TMEM235: variants seen among roughly 807,000 people sequenced by gnomAD.
TMEM235 encodes claudin-27.
In TMEM235, 23 loss-of-function variants were observed where a neutral mutation model predicts 22.9. The ratio of observed to expected loss-of-function variants is 1.00; its 90% CI spans 0.72 to 1.42. The LOEUF (loss-of-function observed/expected upper bound fraction) is 1.42, where lower values mean the gene tolerates loss of function less well. TMEM235 is among the 40% of genes most tolerant of loss of function. TMEM235 has a pLI of 0.00. For synonymous variants in TMEM235, 137 were observed against 140.5 expected (o/e 0.98, Z 0.17); for missense variants, 308 against 299.5 (o/e 1.03, Z -0.21).
At chr17:78,232,169 C>T (rs1243179438) in exon 2 of TMEM235, 1 of 1,488,000 alleles carries the variant, frequency 6.7e-7, no homozygotes, top group Non-Finnish European at 8.9e-7. Context: ...CCCGGGCGCG[C>T]AGAGCTGCTC....
At chr17:78,236,812 G>T (rs760378395) in intron 4 of TMEM235, among the ~76,000 whole-genome samples, 2 of 152,222 alleles carry the variant, frequency 1.3e-5, no homozygotes, top group Non-Finnish European at 2.9e-5. Flanking sequence ...GCCCGACTGG[G>T]TGCAGAGATT....
chr17:78,231,759 A>T lies in TMEM235; in HGVS notation c.-265A>T. 8.1e-7 allele frequency: 1 copy of T among 1,227,142 alleles called. No homozygotes were observed. The highest frequency in any genetic ancestry group is 1.1e-6 in the Non-Finnish European group (1 of 951,402). 76.0% of individuals were successfully genotyped at this position (1,227,142 alleles called of 1,614,324 possible). On this transcript the variant is annotated 5_prime_UTR_variant, in exon 2 of 6. In the 5' UTR this introduces an upstream ATG that the reference lacks. Coordinates refer to ENST00000421688, the Ensembl canonical transcript of TMEM235. Reference sequence around the variant, plus strand: ...GTGGGGACGCTGGGATTGGAGCCCAAGCCCCAGGTTCGCCGCGCGGCTCTC... The same window carrying T: ...GTGGGGACGCTGGGATTGGAGCCCATGCCCCAGGTTCGCCGCGCGGCTCTC...
chr17:78,231,343 T>A lies in TMEM235; in HGVS notation c.-593+2T>A. The A allele has an allele frequency of 8.5e-7, 1 of 1,179,294 alleles. No individual in the cohort carries two copies. The allele number at this position is 1,179,294 out of a possible 1,614,324, so 73.1% of individuals were successfully genotyped here. ...AGGTTCTTTCTGCCTGTTTTCTCCG[T>A]GAGTGACTGGACAGGCAGAGGCCGG... is the stretch of plus-strand genomic sequence containing the variant. On this transcript the variant is annotated splice_donor_variant, in intron 1 of 5. Transcript: ENST00000421688. LOFTEE classifies it low-confidence loss of function (5UTR_SPLICE).
rs899894879 is a variant in TMEM235 at position 78,234,591 on chromosome 17, A to G, written c.272-2A>G. 6.5e-7 allele frequency: 1 copy of G among 1,535,898 alleles called. No individual in the cohort carries two copies. Among genetic ancestry groups the G allele is most frequent in the Non-Finnish European group, 8.7e-7 (1 of 1,146,830 alleles). On this transcript the variant is annotated splice_acceptor_variant, in intron 3 of 5. Transcript: ENST00000421688. LOFTEE classifies it high-confidence loss of function. ...TTCTCACCTGAGCCCCCTTTCCTGC[A>G]GTGCTGCACCGTGCAGTCATTGTGG...
intron 2 of TMEM235, among the ~76,000 whole-genome samples, chr17:78,233,612 G>A (rs1488160571): frequency 2.0e-5 from 3 of 151,816 alleles, no homozygotes; most frequent in African/African-American, 4.8e-5. Context: ...GGAGAATGGC[G>A]CGAAACCGGG....
chr17:78,239,066 C>G (rs373064807), exon 5 of TMEM235: 1 of 1,544,218 alleles, frequency 6.5e-7, no homozygotes. Flanking sequence ...ATCAGCTACT[C>G]GCACCTGGCC....
rs140564394 is a variant in TMEM235 at position 78,236,233 on chromosome 17, C to A, written c.409+1503C>A. 4.8e-3 allele frequency among the ~76,000 whole-genome samples: 730 copies of A among 152,166 alleles called. 10 individuals carry two copies. The highest frequency in any genetic ancestry group is 0.016 in the African/African-American group (676 of 41,526). On this transcript the variant is annotated intron_variant, in intron 4 of 5. Coordinates refer to ENST00000421688, the Ensembl canonical transcript of TMEM235. ...ACCTGCTCTACTGGGTCAGATCATG[C>A]GGGGGGGCCTGGGGCCAGCCCCTCA...
At chr17:78,240,256 C>A in exon 6 of TMEM235, 1 of 332,414 alleles carries the variant, frequency 3.0e-6, no homozygotes, top group Non-Finnish European at 5.4e-6. Flanking sequence ...CACTCCTTGC[C>A]TGCCTCAAAG....
At chr17:78,234,351 TGG>T (rs1229570151) in intron 3 of TMEM235, 1 of 715,258 alleles carries the variant, frequency 1.4e-6, no homozygotes, top group Non-Finnish European at 2.5e-6. Flanking sequence ...CCTGGCGGGT[TGG>T]GGGACATGTG....
chr17:78,234,673 T>A (rs1025990023), exon 4 of TMEM235: 2 of 1,536,176 alleles, frequency 1.3e-6, no homozygotes, highest in South Asian at 1.2e-5. Context: ...CCTGCTCAGC[T>A]CCCTGGCCCA....
At chr17:78,231,556 A>G (rs2145910060) in exon 2 of TMEM235, 1 of 1,303,790 alleles carries the variant, frequency 7.7e-7, no homozygotes, top group Non-Finnish European at 1.0e-6. Context: ...TTCCAGGAGC[A>G]CGGGTGGGTG....
chr17:78,240,196 C>A, exon 6 of TMEM235: 1 of 641,854 alleles, frequency 1.6e-6, no homozygotes, highest in Non-Finnish European at 2.2e-6. Flanking sequence ...AGATGGAAGT[C>A]CCAGAAGGGT....
exon 6 of TMEM235, chr17:78,240,050 AAGAGCAGGCACCC>A: frequency 2.0e-6 from 3 of 1,473,398 alleles, no homozygotes; most frequent in Non-Finnish European, 1.8e-6. Context: ...CACTTCCGGG[AAGAGCAGGCACCC>A]AGATCTCTGT....
Position 78,238,204 on chromosome 17 carries a change from G to A in TMEM235, c.410-820G>A, listed in dbSNP as rs1012305662. Among the ~76,000 whole-genome samples the A allele has an allele frequency of 1.3e-5, 2 of 152,220 alleles. No homozygotes were observed. Among genetic ancestry groups the A allele is most frequent in the Admixed American group, 6.5e-5 (1 of 15,284 alleles). On this transcript the variant is annotated intron_variant, in intron 4 of 5. Coordinates refer to ENST00000421688, the Ensembl canonical transcript of TMEM235. This position sits in a 1 kb window ranked among gnomAD's most constrained non-coding sequence, Gnocchi z 4.3. ...GGAAAATGCCCTGGAGGCATGGGCC[G>A]AGTCCCCTACCTAGCTCGTTGCTGG...
chr17:78,234,530 G>A lies in TMEM235; in HGVS notation c.272-63G>A, dbSNP rs539164862. 3.0e-5 allele frequency: 46 copies of A among 1,529,152 alleles called. 1 individual carries two copies. In the Admixed American group the frequency reaches 4.1e-4, roughly 14 times the overall value. 94.7% of individuals were successfully genotyped at this position (1,529,152 alleles called of 1,614,324 possible). On this transcript the variant is annotated intron_variant, in intron 3 of 5. Transcript: ENST00000421688. ...ACGAAGCACCACGTCACTGTCCTCC[G>A]GCAGACAAGTGCTGAAGGGCCCACC...
chr17:78,235,041 G>A (rs548514883), intron 4 of TMEM235, among the ~76,000 whole-genome samples: 1 of 152,338 alleles, frequency 6.6e-6, no homozygotes, highest in African/African-American at 2.4e-5. Context: ...GATCATCTGA[G>A]GTCAGGAGTT....
chr17:78,237,907 CAGA>C lies in TMEM235; in HGVS notation c.410-1113_410-1111del, dbSNP rs2076661949. Among the ~76,000 whole-genome samples, 1 of 152,194 alleles carries C rather than the reference CAGA, an allele frequency of 6.6e-6. No homozygotes were observed. Among genetic ancestry groups the C allele is most frequent in the African/African-American group, 2.4e-5 (1 of 41,448 alleles). ...CAAGTTTGGTTCCCAGGAGGAATCA[CAGA>C]AGACCAGGCTGTGTTGTGCCCCTTC... On this transcript the variant is annotated intron_variant, in intron 4 of 5. Transcript: ENST00000421688. This position sits in a 1 kb window ranked among gnomAD's most constrained non-coding sequence, Gnocchi z 4.7.
chr17:78,231,329 G>C, exon 1 of TMEM235: 1 of 1,134,678 alleles, frequency 8.8e-7, no homozygotes, highest in Admixed American at 3.2e-5. Flanking sequence ...GGTTCTTTCT[G>C]CCTGTTTTCT....
At chr17:78,234,764 G>A (rs1490563044) in intron 4 of TMEM235, 34 bp downstream of exon 3, 2 of 1,535,680 alleles carry the variant, frequency 1.3e-6, no homozygotes, top group Admixed American at 3.9e-5. Context: ...TGGCTCCAAA[G>A]ATGGGAGCTG....
Sources: allele counts gnomAD v4.1 joint callset (sites outside exome capture counted in the v4.1 genomes callset), GRCh38; gene constraint gnomAD v4.1.1; non-coding constraint Gnocchi (gnomAD v3.1); transcripts MANE v1.5; gene names NCBI Gene and HGNC (gene_info 2026-07-23, HGNC 2026-07-21).